The following EXT2 variants were observed in gnomAD, a reference collection of about 807,000 sequenced individuals.
EXT2 encodes the protein exostosin glycosyltransferase 2, also known as exostosin-2.
EXT2 carries 53 observed loss-of-function variants against 81.6 expected under a neutral mutation model. The observed-to-expected ratio is 0.65, with a 90% CI of 0.52 to 0.82. The LOEUF (loss-of-function observed/expected upper bound fraction) is 0.82, where lower values mean the gene tolerates loss of function less well. Ranked by LOEUF, EXT2 falls within the 40% of genes least tolerant of loss-of-function variation. EXT2 has a pLI of 0.00. For missense variants in EXT2, 774 were observed against 910.2 expected, an observed-to-expected ratio of 0.85 and a Z score of 1.93; for synonymous variants, 320 against 340.0, an observed-to-expected ratio of 0.94 and a Z score of 0.65.
intron 7 of EXT2, among the ~76,000 whole-genome samples, chr11:44,160,659 A>T (rs1230060563): frequency 1.3e-5 from 2 of 152,206 alleles, no homozygotes; most frequent in African/African-American, 4.8e-5. Flanking sequence ...ATTTTGAAGG[A>T]TATTGAATGG....
intron 7 of EXT2, among the ~76,000 whole-genome samples, chr11:44,133,959 A>G (rs1194306233): frequency 6.6e-6 from 1 of 152,232 alleles, no homozygotes; most frequent in East Asian, 1.9e-4. Flanking sequence ...CTTAGATGTG[A>G]TAGTAGCAGC....
chr11:44,225,180 C>A (rs7109486), intron 10 of EXT2, among the ~76,000 whole-genome samples: 11,534 of 152,192 alleles, frequency 0.076, 455 homozygotes, highest in Middle Eastern at 0.16. Flanking sequence ...ATCTCTCCTT[C>A]CCTTCTTATT....
At chr11:44,229,029 G>A (rs1435052010) in intron 10 of EXT2, among the ~76,000 whole-genome samples, 1 of 152,116 alleles carries the variant, frequency 6.6e-6, no homozygotes, top group Non-Finnish European at 1.5e-5. Flanking sequence ...CCCTCCCCAT[G>A]CCCTACTCCT....
intron 7 of EXT2, among the ~76,000 whole-genome samples, chr11:44,147,421 A>T (rs528645343): frequency 5.9e-5 from 9 of 152,252 alleles, no homozygotes; most frequent in African/African-American, 2.2e-4. Context: ...GAGTAAATAA[A>T]TTTCTTCTAA....
chr11:44,145,493 GGTATTTTCATGA>G, intron 7 of EXT2, among the ~76,000 whole-genome samples: 1 of 152,188 alleles, frequency 6.6e-6, no homozygotes, highest in East Asian at 1.9e-4. Context: ...TATGGTCATG[GGTATTTTCATGA>G]GTAGGATCAT....
chr11:44,151,476 T>C (rs116692819), intron 7 of EXT2, among the ~76,000 whole-genome samples: 1,767 of 152,328 alleles, frequency 0.012, 27 homozygotes, highest in African/African-American at 0.038. Flanking sequence ...AATTATATAG[T>C]ATGTAGCCCC....
chr11:44,139,321 A>G (rs1954614366), intron 7 of EXT2, among the ~76,000 whole-genome samples: 1 of 151,666 alleles, frequency 6.6e-6, no homozygotes, highest in Non-Finnish European at 1.5e-5. Context: ...TTGCCTGATC[A>G]TAATTTTATC....
chr11:44,244,360 T>A lies in EXT2; in HGVS notation c.*73T>A. 2 of 1,524,144 alleles carry A rather than the reference T, an allele frequency of 1.3e-6. No individual in the cohort carries two copies. Among genetic ancestry groups the A allele is most frequent in the Non-Finnish European group, 1.8e-6 (2 of 1,099,072 alleles). 94.4% of individuals were successfully genotyped at this position (1,524,144 alleles called of 1,614,324 possible). ...AGAACAAGGCCTCCCAGCACTCTGA[T>A]GTCAGAGTAGTAGGTTAAGGGTGGA... On this transcript the variant is annotated 3_prime_UTR_variant, in exon 14 of 14. Coordinates refer to ENST00000533608, the MANE Select transcript of EXT2 (RefSeq NM_207122.2).
chr11:44,130,543 C>T lies in EXT2; in HGVS notation c.1173+405C>T, dbSNP rs958602227. Among the ~76,000 whole-genome samples, 20 of 152,304 alleles carry T rather than the reference C, an allele frequency of 1.3e-4. 3 individuals are homozygous for T. Among genetic ancestry groups the T allele is most frequent in the Admixed American group, 1.2e-3 (19 of 15,304 alleles). On this transcript the variant is annotated intron_variant, in intron 7 of 13. Transcript: ENST00000533608. ...AACTAGCCCAGCTTCCCAGTTCAGT[C>T]ATCCTTTGTAATTCGGGAATCCTTC...
At chr11:44,127,035 G>T in intron 6 of EXT2, 80 bp downstream of exon 6, 1 of 1,530,070 alleles carries the variant, frequency 6.5e-7, no homozygotes, top group Non-Finnish European at 9.0e-7. Flanking sequence ...TCATTGTAAT[G>T]TATACCCTGG....
chr11:44,219,016 G>T (rs1027109241), intron 10 of EXT2, among the ~76,000 whole-genome samples: 1 of 151,810 alleles, frequency 6.6e-6, no homozygotes, highest in Non-Finnish European at 1.5e-5. Flanking sequence ...GGCCAGGCTG[G>T]TCTCAAACTC....
intron 10 of EXT2, among the ~76,000 whole-genome samples, chr11:44,228,095 T>G (rs1313853111): frequency 6.6e-6 from 1 of 152,250 alleles, no homozygotes; most frequent in African/African-American, 2.4e-5. Flanking sequence ...ACTATCCAAA[T>G]TATTGCTAAG....
chr11:44,130,792 T>C (rs74728083), intron 7 of EXT2, among the ~76,000 whole-genome samples: 5 of 152,370 alleles, frequency 3.3e-5, no homozygotes, highest in African/African-American at 1.2e-4. Flanking sequence ...TTTAATGGAC[T>C]TTTAAAAAGG....
chr11:44,187,536 G>A (rs1955333608), intron 8 of EXT2, among the ~76,000 whole-genome samples: 1 of 152,154 alleles, frequency 6.6e-6, no homozygotes, highest in South Asian at 2.1e-4. Context: ...AGAAATTAAT[G>A]ATATACATGG....
intron 8 of EXT2, among the ~76,000 whole-genome samples, chr11:44,174,134 C>G (rs1177111254): frequency 6.6e-6 from 1 of 152,122 alleles, no homozygotes; most frequent in Admixed American, 6.5e-5. Context: ...GAGAAATGAT[C>G]TTCATGTGTA....
intron 10 of EXT2, among the ~76,000 whole-genome samples, chr11:44,231,554 A>G (rs1955898788): frequency 6.6e-6 from 1 of 152,210 alleles, no homozygotes; most frequent in Non-Finnish European, 1.5e-5. Context: ...AAAGAGTTTG[A>G]AGAAGAGAAT....
chr11:44,204,021 G>A (rs1378781334), intron 9 of EXT2, among the ~76,000 whole-genome samples: 3 of 152,190 alleles, frequency 2.0e-5, no homozygotes, highest in Non-Finnish European at 2.9e-5. Context: ...TGCCTGCACT[G>A]TCCTTGTTAT....
At chr11:44,173,497 A>G (rs962246710) in intron 8 of EXT2, among the ~76,000 whole-genome samples, 1 of 145,810 alleles carries the variant, frequency 6.9e-6, no homozygotes, top group Non-Finnish European at 1.5e-5. Flanking sequence ...GTTTGGGTAT[A>G]TCGTATGTAA....
rs1332452251 is a variant in EXT2, at chr11:44,104,445, G to C, written c.-30-3238G>C. The stretch of plus-strand genomic sequence containing the variant: ...AAAGTTTTGAAAAACACTATTAAAG[G>C]GTAGTTTGTCTAATATTAATAAAGG... On this transcript the variant is annotated intron_variant, in intron 1 of 13. Transcript: ENST00000533608. Among the ~76,000 whole-genome samples the C allele has an allele frequency of 2.0e-5, 3 of 152,124 alleles. No homozygotes were observed. In the South Asian group the frequency reaches 6.2e-4, roughly 32 times the overall value.
Sources: gnomAD v4.1 joint callset for allele counts (sites outside exome capture counted in the v4.1 genomes callset) on GRCh38, gnomAD v4.1.1 for gene constraint, MANE v1.5 for transcripts, NCBI Gene and HGNC (gene_info 2026-07-23, HGNC 2026-07-21) for gene names.